KIR3DL2: variants seen among roughly 807,000 people sequenced by gnomAD.
KIR3DL2 encodes killer cell immunoglobulin like receptor, three Ig domains and long cytoplasmic tail 2.
KIR3DL2 carries 42 observed loss-of-function variants against 41.6 expected under a neutral mutation model. That is an observed-to-expected ratio of 1.01 (90% CI 0.79 to 1.31). The LOEUF (loss-of-function observed/expected upper bound fraction) is 1.31, where lower values mean the gene tolerates loss of function less well. KIR3DL2 is among the 50% of genes most tolerant of loss of function. KIR3DL2 has a pLI of 0.00. For synonymous variants in KIR3DL2, 230 were observed against 221.3 expected (o/e 1.04, Z -0.35); for missense variants, 728 against 576.8 (o/e 1.26, Z -2.68).
intron 6 of KIR3DL2, among the ~76,000 whole-genome samples, chr19:54,862,102 G>A (rs2065216290): frequency 6.6e-6 from 1 of 152,114 alleles, no homozygotes; most frequent in Admixed American, 6.5e-5. Flanking sequence ...AGCAATAGAT[G>A]GTGGAGGGGG....
Position 54,855,623 on chromosome 19 carries a change from A to T in KIR3DL2, c.660A>T (p.Leu220=). Residue 220 remains leucine, a synonymous_variant, in exon 5 of 9, where the codon CTA becomes CTT. Transcript: ENST00000326321. ...AACTGCCTCTTCTCCTTCCAGGTCT[A>T]TATGAGAAACCTTCTCTCTCAGCCC... ...SDPLDIVITG[L]YEKPSLSAQP... The T allele has an allele frequency of 1.2e-6, 2 of 1,612,772 alleles. No individual in the cohort carries two copies. Among genetic ancestry groups the T allele is most frequent in the Non-Finnish European group, 1.7e-6 (2 of 1,179,764 alleles).
rs2064865887 is a variant in KIR3DL2, at chr19:54,857,375, G to A, written c.949+1463G>A. 3.3e-5 allele frequency among the ~76,000 whole-genome samples: 5 copies of A among 151,328 alleles called. No homozygotes were observed. The South Asian group carries it at 1.0e-3, about 31-fold the overall frequency. On this transcript the variant is annotated intron_variant, in intron 5 of 8. Transcript: ENST00000326321. ...CAAAGTGCTGAAGTTACAGGCATAAGCCACTATGCCCAGCCTCCTTTTAGT... is the reference window on the plus strand; with the variant it reads ...CAAAGTGCTGAAGTTACAGGCATAAACCACTATGCCCAGCCTCCTTTTAGT...
At chr19:54,863,278 C>T (rs2065304431) in intron 6 of KIR3DL2, among the ~76,000 whole-genome samples, 1 of 151,782 alleles carries the variant, frequency 6.6e-6, no homozygotes, top group Non-Finnish European at 1.5e-5. Context: ...GGGTTGGTTC[C>T]AAGTCTTTGC....
chr19:54,858,448 G>A (rs1389527860), intron 5 of KIR3DL2, among the ~76,000 whole-genome samples: 1 of 148,448 alleles, frequency 6.7e-6, no homozygotes, highest in African/African-American at 2.5e-5. Context: ...CATTAAATGG[G>A]CTGGGTATGG....
rs552468184 is a variant in KIR3DL2, at chr19:54,858,724, T to A, written c.950-355T>A. Among the ~76,000 whole-genome samples, 9 of 151,334 alleles carry A rather than the reference T, an allele frequency of 5.9e-5. No individual in the cohort carries two copies. In the East Asian group the frequency reaches 1.4e-3, roughly 23 times the overall value. On this transcript the variant is annotated intron_variant, in intron 5 of 8. Coordinates refer to ENST00000326321, the MANE Select transcript of KIR3DL2 (RefSeq NM_006737.4). The stretch of plus-strand genomic sequence containing the variant: ...GCCTGCATGACAGAGCAAGATTCTA[T>A]CACACACACACAAAAGAAAGCCATT...
chr19:54,855,654 G>A lies in KIR3DL2; in HGVS notation c.691G>A (p.Gly231Ser). The A allele has an allele frequency of 6.2e-7, 1 of 1,613,466 alleles. No individual in the cohort carries two copies. ...GAAACCTTCTCTCTCAGCCCAGCCG[G>A]GCCCCACGGTTCAGGCAGGAGAGAA... ...YEKPSLSAQP[G>S]PTVQAGENVT... is the part of the protein sequence containing the mutation. Residue 231 changes from glycine (G) to serine (S), a missense_variant, in exon 5 of 9, where the codon GGC becomes AGC. Coordinates refer to ENST00000326321, the MANE Select transcript of KIR3DL2 (RefSeq NM_006737.4).
chr19:54,857,185 G>A (rs2064850864), intron 5 of KIR3DL2, among the ~76,000 whole-genome samples: 1 of 151,200 alleles, frequency 6.6e-6, no homozygotes. Context: ...TGCTTCCTAG[G>A]TTCAAACGAT....
intron 4 of KIR3DL2, among the ~76,000 whole-genome samples, chr19:54,854,541 G>A (rs2064581174): frequency 6.6e-6 from 1 of 151,686 alleles, no homozygotes; most frequent in Non-Finnish European, 1.5e-5. Flanking sequence ...ATTATCCCAG[G>A]ATATCATGGC....
chr19:54,851,857 G>T, intron 2 of KIR3DL2, 141 bp from the exon 3 acceptor site: 1 of 886,162 alleles, frequency 1.1e-6, no homozygotes, highest in Non-Finnish European at 1.7e-6. Context: ...ATGTCTATGT[G>T]GGGTGGGTCC....
chr19:54,862,276 T>C (rs551485657), intron 6 of KIR3DL2, among the ~76,000 whole-genome samples: 3 of 152,144 alleles, frequency 2.0e-5, no homozygotes, highest in Admixed American at 6.5e-5. Context: ...TTTGTGTCCT[T>C]TTCTTGGAGA....
rs1470945241 is a variant in KIR3DL2, at chr19:54,855,263, C to G, written c.656-356C>G. ...ATGACAGATAATTTGTAGATAGACA[C>G]AAAATAGATAGATAGATAATAGATA... On this transcript the variant is annotated intron_variant, in intron 4 of 8. Transcript: ENST00000326321. 2.0e-5 allele frequency among the ~76,000 whole-genome samples: 3 copies of G among 148,628 alleles called. No homozygotes were observed. The East Asian group carries it at 5.9e-4, about 29-fold the overall frequency.
Position 54,855,805 on chromosome 19 carries a change from C to G in KIR3DL2, c.842C>G (p.Pro281Arg), listed in dbSNP as rs2064714384. 6.2e-7 allele frequency: 1 copy of G among 1,613,358 alleles called. No individual in the cohort carries two copies. Among genetic ancestry groups the G allele is most frequent in the African/African-American group, 1.3e-5 (1 of 74,470 alleles). ...AACAGAACATTCCAGGCAGACTTTC[C>G]TCTGGGCCCTGCCACCCACGGAGGG... is the stretch of plus-strand genomic sequence containing the variant. ...KVNRTFQADF[P>R]LGPATHGGTY... The change falls in exon 5 of 9, where the codon CCT (proline) becomes CGT (arginine). Residue 281 changes from proline to arginine, a missense_variant. Pro to Arg is a moderately radical substitution (Grantham distance 103). Coordinates refer to ENST00000326321, the MANE Select transcript of KIR3DL2 (RefSeq NM_006737.4).
intron 7 of KIR3DL2, 45 bp from the exon 8 acceptor site, chr19:54,866,325 C>T: frequency 6.2e-7 from 1 of 1,610,378 alleles, no homozygotes; most frequent in Non-Finnish European, 8.5e-7. Flanking sequence ...AATGAGGACC[C>T]AGAAGGGCCC....
chr19:54,866,281 C>CA, intron 7 of KIR3DL2, 89 bp from the exon 8 acceptor site: 3 of 1,374,248 alleles, frequency 2.2e-6, no homozygotes, highest in Non-Finnish European at 3.1e-6. Flanking sequence ...CAGGCACCTA[C>CA]AGCCTCCCCC....
chr19:54,866,617 C>G lies in KIR3DL2; in HGVS notation c.1254C>G (p.Pro418=). ...QRKISRPSQR[P]KTPLTDTSVY... ...AAATCAGTCGCCCTTCTCAGAGGCC[C>G]AAGACACCCCTAACAGATACCAGCG... Residue 418 remains proline, a synonymous_variant, in exon 9 of 9, where the codon CCC becomes CCG. Transcript: ENST00000326321. 1 of 1,613,986 alleles carries G rather than the reference C, an allele frequency of 6.2e-7. No homozygotes were observed. Among genetic ancestry groups the G allele is most frequent in the Non-Finnish European group, 8.5e-7 (1 of 1,179,966 alleles).
chr19:54,861,755 C>T (rs189457075), intron 6 of KIR3DL2, among the ~76,000 whole-genome samples: 1,676 of 149,910 alleles, frequency 0.011, 23 homozygotes, highest in African/African-American at 0.037. Context: ...CTTCTTTGAT[C>T]CTTTATCTTA....
At chr19:54,850,964 GCC>G (rs2064174358) in intron 1 of KIR3DL2, among the ~76,000 whole-genome samples, 1 of 139,220 alleles carries the variant, frequency 7.2e-6, no homozygotes, top group Non-Finnish European at 1.6e-5. Context: ...GGAGATATGG[GCC>G]TGGAGTGGAG....
rs773400229 is a variant in KIR3DL2 at position 54,852,086 on chromosome 19, T to A, written c.159T>A (p.Arg53=). Residue 53 remains arginine, a synonymous_variant, in exon 3 of 9, where the codon CGT becomes CGA. Transcript: ENST00000326321. The part of the protein sequence containing the change: ...GHVALQCHYR[R]GFNNFMLYKE... ...TGGCTCTTCAGTGTCACTATCGTCGTGGGTTTAACAATTTCATGCTGTACA... is the reference window on the plus strand; with the variant it reads ...TGGCTCTTCAGTGTCACTATCGTCGAGGGTTTAACAATTTCATGCTGTACA... 2.5e-6 allele frequency: 4 copies of A among 1,612,720 alleles called. No individual in the cohort carries two copies. In the South Asian group the frequency reaches 3.3e-5, roughly 13 times the overall value.
intron 6 of KIR3DL2, among the ~76,000 whole-genome samples, chr19:54,863,839 G>C (rs1191458657): frequency 6.6e-6 from 1 of 151,974 alleles, no homozygotes; most frequent in Non-Finnish European, 1.5e-5. Context: ...TTCTTTTGCT[G>C]TGCAGAAGCT....
Sources: gnomAD v4.1 joint callset for allele counts (sites outside exome capture counted in the v4.1 genomes callset) on GRCh38, gnomAD v4.1.1 for gene constraint, MANE v1.5 for transcripts, NCBI Gene and HGNC (gene_info 2026-07-23, HGNC 2026-07-21) for gene names.